DIP2A: variants seen among roughly 807,000 people sequenced by gnomAD.
The protein encoded by DIP2A is disco-interacting protein 2 homolog A.
DIP2A carries 85 observed loss-of-function variants against 177.4 expected under a neutral mutation model. The ratio of observed to expected loss-of-function variants is 0.48; its 90% CI spans 0.40 to 0.57. The LOEUF (loss-of-function observed/expected upper bound fraction) is 0.57, where lower values mean the gene tolerates loss of function less well. DIP2A is among the 20% of genes least tolerant of loss of function. The probability of loss-of-function intolerance (pLI) is 0.00; values close to 1 mark genes in which losing one functional copy is unlikely to be tolerated. For missense variants in DIP2A, 1,791 were observed against 2,100.2 expected (o/e 0.85, Z 2.88); for synonymous variants, 886 against 881.8 (o/e 1.00, Z -0.08).
chr21:46,547,278 A>AATTT, intron 21 of DIP2A: 1 of 1,235,570 alleles, frequency 8.1e-7, no homozygotes. Context: ...TTTGATGTAA[A>AATTT]ATTTGGGGCA....
At chr21:46,477,569 ATTTCTTTTTTT>A (rs2055991352) in intron 1 of DIP2A, among the ~76,000 whole-genome samples, 1 of 71,982 alleles carries the variant, frequency 1.4e-5, no homozygotes, top group Non-Finnish European at 2.6e-5. Flanking sequence ...GTGTGTGTGT[ATTTCTTTTTTT>A]TTTTTTTTCT....
intron 8 of DIP2A, among the ~76,000 whole-genome samples, chr21:46,524,453 C>T (rs1036958894): frequency 2.6e-5 from 4 of 152,286 alleles, no homozygotes; most frequent in South Asian, 2.1e-4. Flanking sequence ...TACCCAAAGT[C>T]GGCCAATTGG....
In DIP2A at chr21:46,490,753, A is replaced by G. The variant is rs1344380020; in HGVS notation, c.283+34A>G. The stretch of plus-strand genomic sequence containing the variant: ...ACAGCCTAGGCAGTGGGGAAGGTGG[A>G]CGGGCCTGGAGCCCTTGGACTCTTG... On this transcript the variant is annotated intron_variant, in intron 3 of 37. Transcript: ENST00000417564. The G allele has an allele frequency of 1.9e-6, 3 of 1,541,304 alleles. No homozygotes were observed. The African/African-American group carries it at 4.1e-5, about 21-fold the overall frequency.
At chr21:46,520,822 G>A (rs904977339) in intron 8 of DIP2A, among the ~76,000 whole-genome samples, 6 of 152,120 alleles carry the variant, frequency 3.9e-5, no homozygotes, top group African/African-American at 1.2e-4. Flanking sequence ...AGAAAGCCAC[G>A]CATCATTTCA....
In DIP2A at chr21:46,481,851, G is replaced by T. The variant is rs564021396; in HGVS notation, c.92-2906G>T. On this transcript the variant is annotated intron_variant, in intron 1 of 37. Transcript: ENST00000417564. ...GGATCACTTGAGGTCAGGAGTTCTA[G>T]ACCAGCCTGGCTAACATGGTGAAAC... 3.5e-4 allele frequency among the ~76,000 whole-genome samples: 53 copies of T among 152,290 alleles called. 1 individual carries two copies. Among genetic ancestry groups the T allele is most frequent in the African/African-American group, 1.2e-3 (48 of 41,550 alleles).
At chr21:46,523,295 C>T (rs1323448353) in intron 8 of DIP2A, among the ~76,000 whole-genome samples, 5 of 151,404 alleles carry the variant, frequency 3.3e-5, no homozygotes, top group African/African-American at 7.3e-5. Context: ...AGTGCAGTGG[C>T]GTGATCTTGG....
chr21:46,472,047 A>C (rs1326708874), intron 1 of DIP2A, among the ~76,000 whole-genome samples: 2 of 152,230 alleles, frequency 1.3e-5, no homozygotes, highest in Admixed American at 6.5e-5. Context: ...CTGAAGCCCT[A>C]ACCCCAATGG....
chr21:46,547,554 G>A (rs1376618722), intron 21 of DIP2A, among the ~76,000 whole-genome samples: 1 of 150,822 alleles, frequency 6.6e-6, no homozygotes, highest in Non-Finnish European at 1.5e-5. Flanking sequence ...AGAGAATTTT[G>A]CTTCTTCTAC....
At chr21:46,460,546 A>G (rs2054203324) in intron 1 of DIP2A, among the ~76,000 whole-genome samples, 1 of 152,242 alleles carries the variant, frequency 6.6e-6, no homozygotes, top group African/African-American at 2.4e-5. Flanking sequence ...ACATCTAAAT[A>G]ATATGCACTA....
At chr21:46,502,975 C>G (rs2057736904) in intron 5 of DIP2A, among the ~76,000 whole-genome samples, 2 of 152,100 alleles carry the variant, frequency 1.3e-5, no homozygotes, top group South Asian at 4.1e-4. Flanking sequence ...GTGACTTTTA[C>G]ATATGTTCCA....
intron 22 of DIP2A, 112 bp downstream of exon 22, chr21:46,549,997 C>T: frequency 6.5e-7 from 1 of 1,539,524 alleles, no homozygotes; most frequent in Non-Finnish European, 8.7e-7. Context: ...CTGGCTCCAG[C>T]TTTGTTTATC....
intron 1 of DIP2A, among the ~76,000 whole-genome samples, chr21:46,473,674 C>G (rs141688264): frequency 6.6e-6 from 1 of 152,042 alleles, no homozygotes; most frequent in Non-Finnish European, 1.5e-5. Context: ...TGCCACCACG[C>G]CCGGCTAATT....
chr21:46,539,838 C>G (rs762572875), intron 16 of DIP2A, 39 bp from the exon 17 acceptor site: 5 of 1,526,364 alleles, frequency 3.3e-6, no homozygotes, highest in Non-Finnish European at 4.5e-6. Flanking sequence ...GCTGGCCCCC[C>G]AGTTAGTGCT....
chr21:46,509,408 T>G, intron 7 of DIP2A, 32 bp downstream of exon 7: 1 of 1,588,246 alleles, frequency 6.3e-7, no homozygotes, highest in Non-Finnish European at 8.6e-7. Context: ...GCTTTTCTGT[T>G]TGTATGAAAA....
chr21:46,504,636 C>A, intron 6 of DIP2A, 147 bp downstream of exon 6: 1 of 981,480 alleles, frequency 1.0e-6, no homozygotes, highest in Non-Finnish European at 1.4e-6. Context: ...CCAGTGTGTG[C>A]AGTTAATGTT....
intron 9 of DIP2A, among the ~76,000 whole-genome samples, chr21:46,531,478 G>A (rs981391107): frequency 1.3e-5 from 2 of 152,216 alleles, no homozygotes; most frequent in South Asian, 2.1e-4. Flanking sequence ...GATATGTTGT[G>A]CTCATAGATG....
chr21:46,510,831 C>T (rs909882734), intron 7 of DIP2A, among the ~76,000 whole-genome samples: 1 of 152,038 alleles, frequency 6.6e-6, no homozygotes, highest in African/African-American at 2.4e-5. Flanking sequence ...GACAGGGTTT[C>T]ACCATGTTAA....
rs562722690 is a variant in DIP2A at position 46,488,007 on chromosome 21, A to G, written c.164-2593A>G. Among the ~76,000 whole-genome samples the G allele has an allele frequency of 5.3e-5, 8 of 152,308 alleles. No individual in the cohort carries two copies. The East Asian group carries it at 1.5e-3, about 29-fold the overall frequency. On this transcript the variant is annotated intron_variant, in intron 2 of 37. Coordinates refer to ENST00000417564, the MANE Select transcript of DIP2A (RefSeq NM_015151.4). ...TCTGAGAGTAGCCCATCAATTTTTG[A>G]AAAAGAACACTGGTGATAAAGGACT... is the stretch of plus-strand genomic sequence containing the variant.
chr21:46,525,434 G>A (rs974446470), intron 8 of DIP2A, among the ~76,000 whole-genome samples: 2 of 152,148 alleles, frequency 1.3e-5, no homozygotes, highest in Admixed American at 6.5e-5. Context: ...GGTGGCACGT[G>A]GGTCATCAGT....
Sources: gnomAD v4.1 joint callset for allele counts (sites outside exome capture counted in the v4.1 genomes callset) on GRCh38, gnomAD v4.1.1 for gene constraint, MANE v1.5 for transcripts, NCBI Gene and HGNC (gene_info 2026-07-23, HGNC 2026-07-21) for gene names.